Variants in CREB5 observed in about 807,000 individuals in gnomAD.
CREB5 encodes the protein cyclic AMP-responsive element-binding protein 5.
Under a neutral mutation model 57.1 loss-of-function variants are expected in CREB5, and 19 were observed. The ratio of observed to expected loss-of-function variants is 0.33; its 90% CI spans 0.23 to 0.49. The LOEUF is 0.49. Among genes scored for constraint, CREB5 ranks in the 20% least tolerant of loss-of-function variants. The pLI, the probability that CREB5 is intolerant of heterozygous loss-of-function variation, is 0.99. For synonymous variants in CREB5, 238 were observed against 238.3 expected (o/e 1.00, Z 0.01); for missense variants, 579 against 671.6 (o/e 0.86, Z 1.52).
chr7:28,342,255 G>T (rs1785951375), intron 1 of CREB5, among the ~76,000 whole-genome samples: 1 of 152,172 alleles, frequency 6.6e-6, no homozygotes, highest in South Asian at 2.1e-4. Flanking sequence ...TTGGTGCCTA[G>T]ATGTGGCTAT....
intron 2 of CREB5, among the ~76,000 whole-genome samples, chr7:28,490,212 C>A (rs1791739447): frequency 6.6e-6 from 1 of 152,164 alleles, no homozygotes; most frequent in Non-Finnish European, 1.5e-5. Context: ...CACAGAGATT[C>A]TAGTTTAGGA....
chr7:28,338,067 C>G lies in CREB5; in HGVS notation c.-25+38626C>G, dbSNP rs142787422. Among the ~76,000 whole-genome samples, 412 of 152,156 alleles carry G rather than the reference C, an allele frequency of 2.7e-3. 1 individual carries two copies. Among genetic ancestry groups the G allele is most frequent in the African/African-American group, 9.2e-3 (383 of 41,526 alleles). ...TTGTTTCTATTTTTATCTTATTATA[C>G]AGTCTATGTCTTCAAAAGCTGTAGT... On this transcript the variant is annotated intron_variant, in intron 1 of 9. Transcript: ENST00000396299.
chr7:28,350,604 G>A (rs1786168528), intron 1 of CREB5, among the ~76,000 whole-genome samples: 2 of 151,982 alleles, frequency 1.3e-5, no homozygotes, highest in East Asian at 1.9e-4. Context: ...CAAACGAAAC[G>A]TCTGCTAGAA....
intron 4 of CREB5, among the ~76,000 whole-genome samples, chr7:28,562,917 T>C (rs909978804): frequency 1.3e-5 from 2 of 152,210 alleles, no homozygotes; most frequent in Admixed American, 1.3e-4. Context: ...AAAAAATATT[T>C]GTACCACAAG....
chr7:28,823,793 C>T lies in CREB5; in HGVS notation c.*4514C>T, dbSNP rs535964589. On this transcript the variant is annotated 3_prime_UTR_variant, in exon 11 of 11. Coordinates refer to ENST00000357727, the MANE Select transcript of CREB5 (RefSeq NM_182898.4). ...TCCCTTAGTGCTTTTTGTCCCTTCC[C>T]GAACAATATGCAGTAGCTTTAAGCC... 9 of 152,604 alleles carry T rather than the reference C, an allele frequency of 5.9e-5. No homozygotes were observed. Among genetic ancestry groups the T allele is most frequent in the Non-Finnish European group, 8.8e-5 (6 of 68,002 alleles). The allele number at this position is 152,604 out of a possible 1,614,324, so 9.5% of individuals were successfully genotyped here. A position where few individuals can be genotyped will look rare whatever the true frequency, so the allele number is the denominator to read the frequency against.
chr7:28,810,697 A>AAAAT (rs146062089), intron 9 of CREB5, among the ~76,000 whole-genome samples: 127,349 of 151,286 alleles, frequency 0.84, 54,344 homozygotes, highest in African/African-American at 0.93. Flanking sequence ...CTGTCTCAAA[A>AAAAT]AAATAAATAA....
chr7:28,495,004 G>C lies in CREB5; in HGVS notation c.169+5G>C. 1 of 1,579,820 alleles carries C rather than the reference G, an allele frequency of 6.3e-7. No individual in the cohort carries two copies. On this transcript the variant is annotated splice_donor_5th_base_variant and intron_variant, in intron 3 of 10. Transcript: ENST00000357727. ...AAACAGACAATATGTTATCAGGTAA[G>C]GAGCCATCAGGAAAAGAAGCTTTGG...
chr7:28,404,524 G>T (rs949081520), intron 1 of CREB5, among the ~76,000 whole-genome samples: 5 of 152,252 alleles, frequency 3.3e-5, no homozygotes, highest in Admixed American at 3.3e-4. Flanking sequence ...AGAAACAGCA[G>T]ACATGCCGTG....
intron 5 of CREB5, among the ~76,000 whole-genome samples, chr7:28,694,943 A>G (rs1381085765): frequency 1.3e-5 from 2 of 152,222 alleles, no homozygotes; most frequent in East Asian, 3.8e-4. Flanking sequence ...ATCAAAGGCC[A>G]GGCACAATGG....
chr7:28,586,481 C>T (rs1318925504), intron 5 of CREB5, among the ~76,000 whole-genome samples: 1 of 152,174 alleles, frequency 6.6e-6, no homozygotes, highest in Non-Finnish European at 1.5e-5. Flanking sequence ...TGGACAGCCC[C>T]CTTCCCTCTC....
intron 5 of CREB5, among the ~76,000 whole-genome samples, chr7:28,632,575 A>G (rs532580718): frequency 5.3e-5 from 8 of 152,328 alleles, no homozygotes; most frequent in African/African-American, 1.9e-4. Flanking sequence ...ATATCTATGG[A>G]ATGTAAAGAA....
chr7:28,300,278 G>A (rs973792673), intron 1 of CREB5, among the ~76,000 whole-genome samples: 1 of 151,990 alleles, frequency 6.6e-6, no homozygotes, highest in Admixed American at 6.6e-5. Flanking sequence ...TGACTGAATG[G>A]GCTGTGAGAA....
chr7:28,623,236 A>C (rs1004555553), intron 5 of CREB5, among the ~76,000 whole-genome samples: 12 of 152,248 alleles, frequency 7.9e-5, no homozygotes, highest in Admixed American at 7.9e-4. Flanking sequence ...CACTGCGTCC[A>C]GCCCATAGGA....
rs1583830059 is a variant in CREB5, at chr7:28,825,226, G to C, written c.*5947G>C. The C allele has an allele frequency of 6.6e-6, 1 of 152,658 alleles. No individual in the cohort carries two copies. The highest frequency in any genetic ancestry group is 1.9e-4 in the East Asian group (1 of 5,188). 9.5% of individuals were successfully genotyped at this position (152,658 alleles called of 1,614,324 possible). A position where few individuals can be genotyped will look rare whatever the true frequency, so the allele number is the denominator to read the frequency against. ...TGAGTGGAGGGAGTTTAAGAGAAAG[G>C]ACCCTTCCCAACCAGCAGCCAGTAG... On this transcript the variant is annotated 3_prime_UTR_variant, in exon 11 of 11. Coordinates refer to ENST00000357727, the MANE Select transcript of CREB5 (RefSeq NM_182898.4).
chr7:28,308,666 G>C (rs79272777), intron 1 of CREB5, among the ~76,000 whole-genome samples: 1 of 152,024 alleles, frequency 6.6e-6, no homozygotes, highest in Non-Finnish European at 1.5e-5. Context: ...CCAGTCCCCC[G>C]GCACAACCCC....
intron 1 of CREB5, among the ~76,000 whole-genome samples, chr7:28,396,121 C>A (rs1787329644): frequency 6.6e-6 from 1 of 152,142 alleles, no homozygotes; most frequent in Non-Finnish European, 1.5e-5. Flanking sequence ...TGTAGCCATA[C>A]ACTGTCACAT....
upstream of CREB5, among the ~76,000 whole-genome samples, chr7:28,411,763 T>G (rs536852646): frequency 6.6e-6 from 1 of 152,342 alleles, no homozygotes; most frequent in Admixed American, 6.5e-5. Flanking sequence ...ATCTACTTTC[T>G]TCAAAGCGAA....
intron 1 of CREB5, among the ~76,000 whole-genome samples, chr7:28,430,091 A>T (rs1788656247): frequency 6.6e-6 from 1 of 152,210 alleles, no homozygotes; most frequent in Admixed American, 6.5e-5. Context: ...AAGCTGGAGT[A>T]AGCTTTCAGA....
At chr7:28,466,537 A>G (rs1790580215) in intron 1 of CREB5, among the ~76,000 whole-genome samples, 1 of 152,190 alleles carries the variant, frequency 6.6e-6, no homozygotes, top group African/African-American at 2.4e-5. Context: ...GTCAACGGCA[A>G]TAAATCTGAG....
Sources: gnomAD v4.1 joint callset for allele counts (sites outside exome capture counted in the v4.1 genomes callset) on GRCh38, gnomAD v4.1.1 for gene constraint, MANE v1.5 for transcripts, NCBI Gene and HGNC (gene_info 2026-07-23, HGNC 2026-07-21) for gene names.